Variants in ADGRF3 observed in about 807,000 individuals in gnomAD.
The protein encoded by ADGRF3 is G protein-coupled receptor 113.
ADGRF3 carries 85 observed loss-of-function variants against 93.2 expected under a neutral mutation model. The observed-to-expected ratio is 0.91, with a 90% CI of 0.77 to 1.09. The LOEUF (loss-of-function observed/expected upper bound fraction) is 1.09, where lower values mean the gene tolerates loss of function less well. Among genes scored for constraint, ADGRF3 ranks in the 50% least tolerant of loss-of-function variants. ADGRF3 has a pLI of 0.00. For synonymous variants in ADGRF3, 534 were observed against 532.5 expected (o/e 1.00, Z -0.04); for missense variants, 1,125 against 1,246.2 (o/e 0.90, Z 1.46).
chr2:26,322,432 T>C (rs929794831), intron 1 of ADGRF3, among the ~76,000 whole-genome samples: 1 of 152,188 alleles, frequency 6.6e-6, no homozygotes, highest in African/African-American at 2.4e-5. Flanking sequence ...TCATGACTAA[T>C]AGTGACAGTA....
rs746792715 is a variant in ADGRF3, at chr2:26,311,943, G to T, written c.1581C>A (p.Cys527Ter). Residue 527 changes from cysteine to a stop codon, truncating the protein, a stop_gained, in exon 10 of 14, where the codon TGC becomes TGA. Coordinates refer to ENST00000651242, the MANE Select transcript of ADGRF3 (RefSeq NM_001321971.2). LOFTEE classifies it high-confidence loss of function. ...LAVETLACSL[C>*]PQDHPFAFSL... is the part of the protein sequence containing the mutation. ...TGAAGGCGAAGGGGTGGTCCTGTGG[G>T]CACAGGCTGCATGCCAGGGTCTCCA... is the stretch of plus-strand genomic sequence containing the variant. The T allele has an allele frequency of 3.1e-6, 5 of 1,613,804 alleles. No individual in the cohort carries two copies. Among genetic ancestry groups the T allele is most frequent in the Non-Finnish European group, 4.2e-6 (5 of 1,179,862 alleles).
chr2:26,319,295 C>A (rs893661372), intron 1 of ADGRF3, among the ~76,000 whole-genome samples: 1 of 152,074 alleles, frequency 6.6e-6, no homozygotes, highest in Non-Finnish European at 1.5e-5. Flanking sequence ...CCCAAAGCTC[C>A]GAGAGCAGGA....
intron 2 of ADGRF3, 149 bp downstream of exon 2, chr2:26,317,347 G>C: frequency 1.3e-6 from 1 of 758,986 alleles, no homozygotes; most frequent in South Asian, 1.8e-5. Flanking sequence ...ACTGGTCACA[G>C]ACCTGTCCGA....
intron 1 of ADGRF3, among the ~76,000 whole-genome samples, chr2:26,342,586 A>G (rs1487685558): frequency 1.3e-5 from 2 of 152,252 alleles, no homozygotes; most frequent in Non-Finnish European, 2.9e-5. Flanking sequence ...TCTAGCACGA[A>G]TTGATATTTT....
chr2:26,313,734 C>A (rs1558383583), intron 7 of ADGRF3, 26 bp downstream of exon 7: 1 of 1,612,400 alleles, frequency 6.2e-7, no homozygotes. Context: ...CTGGGACCAG[C>A]CCACTGGGCC....
chr2:26,321,237 G>A (rs567745906), intron 1 of ADGRF3, among the ~76,000 whole-genome samples: 4 of 152,280 alleles, frequency 2.6e-5, no homozygotes, highest in Non-Finnish European at 5.9e-5. Flanking sequence ...GGGAGCAATC[G>A]CTCTTGTAAA....
chr2:26,321,073 C>A (rs1675119541), intron 1 of ADGRF3, among the ~76,000 whole-genome samples: 4 of 150,982 alleles, frequency 2.6e-5, no homozygotes, highest in African/African-American at 9.8e-5. Context: ...TTTTTTTAAT[C>A]AAAAAAAGTT....
chr2:26,317,977 C>G, intron 1 of ADGRF3: 1 of 1,469,958 alleles, frequency 6.8e-7, no homozygotes, highest in Admixed American at 2.0e-5. Flanking sequence ...AGCCTCTTTC[C>G]TCCGTCTTTG....
intron 8 of ADGRF3, 38 bp from the exon 9 acceptor site, chr2:26,313,160 T>C: frequency 6.2e-7 from 1 of 1,609,148 alleles, no homozygotes; most frequent in South Asian, 1.1e-5. Context: ...GGACACATGG[T>C]GGAATGATGG....
intron 8 of ADGRF3, 85 bp downstream of exon 8, chr2:26,313,292 G>T: frequency 2.8e-6 from 4 of 1,433,758 alleles, no homozygotes; most frequent in South Asian, 1.4e-5. Flanking sequence ...GCTGGGCCTT[G>T]GGGAAAAGGG....
intron 1 of ADGRF3, among the ~76,000 whole-genome samples, chr2:26,334,933 T>C (rs1675954757): frequency 6.6e-6 from 1 of 152,028 alleles, no homozygotes; most frequent in African/African-American, 2.4e-5. Flanking sequence ...TGGTTATCAA[T>C]AAATACATTT....
Position 26,310,759 on chromosome 2 carries a change from A to T in ADGRF3, c.2765T>A (p.Leu922Gln), listed in dbSNP as rs140000649. 4 of 1,613,510 alleles carry T rather than the reference A, an allele frequency of 2.5e-6. No individual in the cohort carries two copies. The highest frequency in any genetic ancestry group is 1.1e-5 in the South Asian group (1 of 90,992). The change falls in exon 10 of 14, where the codon CTG (leucine) becomes CAG (glutamine). Residue 922 changes from leucine to glutamine, a missense_variant. Transcript: ENST00000651242. ...GGAGACTTCCTCTAACAGAGTGGCC[A>T]GGCCCAGCCCCCAGGTGAGGCCAAA... ...PIFGLTWGLG[L>Q]ATLLEEVSTV...
At chr2:26,321,479 C>T in intron 1 of ADGRF3, among the ~76,000 whole-genome samples, 1 of 152,006 alleles carries the variant, frequency 6.6e-6, no homozygotes, top group East Asian at 1.9e-4. Flanking sequence ...AGACTATGCT[C>T]AACAGGGTCT....
chr2:26,339,111 T>C (rs1197921554), intron 1 of ADGRF3, among the ~76,000 whole-genome samples: 2 of 45,050 alleles, frequency 4.4e-5, no homozygotes, highest in East Asian at 6.6e-4. Context: ...TAAGACTCCG[T>C]CACAAAAAAA....
chr2:26,338,366 G>C (rs937571736), intron 1 of ADGRF3, among the ~76,000 whole-genome samples: 1 of 152,150 alleles, frequency 6.6e-6, no homozygotes, highest in African/African-American at 2.4e-5. Flanking sequence ...CAAAGAGAGA[G>C]AGAGTAAAAT....
At chr2:26,335,642 G>GT (rs34187680) in intron 1 of ADGRF3, among the ~76,000 whole-genome samples, 33,621 of 150,190 alleles carry the variant, frequency 0.22, 5,733 homozygotes, top group East Asian at 0.66. Flanking sequence ...TGCCAACGCT[G>GT]TTTTTTTTTT....
At chr2:26,318,814 C>A (rs1674924127) in intron 1 of ADGRF3, 3 of 1,318,884 alleles carry the variant, frequency 2.3e-6, no homozygotes, top group Non-Finnish European at 3.1e-6. Context: ...GATCTCATAA[C>A]AAAGCATCCA....
At position 26,313,805 on chromosome 2, in the gene ADGRF3, C is replaced by T; in HGVS notation, c.1027G>A (p.Gly343Ser). The T allele has an allele frequency of 6.2e-7, 1 of 1,613,970 alleles. No homozygotes were observed. The highest frequency in any genetic ancestry group is 1.3e-5 in the African/African-American group (1 of 75,042). ...TTYACDLQSL[G>S]LAPLRVPISI... ...ATGGGGACCCTGAGTGGAGCCAGGCCCAGGCTCTGCAGGTCACAAGCGTAC... is the reference window on the plus strand; with the variant it reads ...ATGGGGACCCTGAGTGGAGCCAGGCTCAGGCTCTGCAGGTCACAAGCGTAC... The change falls in exon 7 of 14, where the codon GGC (glycine) becomes AGC (serine). Residue 343 changes from glycine (G) to serine (S), a missense_variant. Transcript: ENST00000651242.
intron 1 of ADGRF3, among the ~76,000 whole-genome samples, chr2:26,329,878 T>C (rs1410422324): frequency 6.6e-6 from 1 of 152,248 alleles, no homozygotes; most frequent in African/African-American, 2.4e-5. Flanking sequence ...TTAATGTCTT[T>C]TTTAGATAAT....
Sources: allele counts gnomAD v4.1 joint callset (sites outside exome capture counted in the v4.1 genomes callset), GRCh38; gene constraint gnomAD v4.1.1; transcripts MANE v1.5; gene names NCBI Gene and HGNC (gene_info 2026-07-23, HGNC 2026-07-21).